The following ARHGEF40 variants were observed in gnomAD, a reference collection of about 807,000 sequenced individuals.
The protein encoded by ARHGEF40 is Rho guanine nucleotide exchange factor 40, also known as Rho guanine nucleotide exchange factor (GEF) 40.
ARHGEF40 carries 98 observed loss-of-function variants against 165.9 expected under a neutral mutation model. The observed-to-expected ratio is 0.59, with a 90% CI of 0.50 to 0.70. The LOEUF (loss-of-function observed/expected upper bound fraction) is 0.70, where lower values mean the gene tolerates loss of function less well. ARHGEF40 is among the 30% of genes least tolerant of loss of function. The pLI is 0.00. For missense variants in ARHGEF40, 1,815 were observed against 1,968.0 expected (o/e 0.92, Z 1.47); for synonymous variants, 792 against 814.3 (o/e 0.97, Z 0.47).
chr14:21,083,498 C>T (rs1888097594), intron 16 of ARHGEF40, among the ~76,000 whole-genome samples: 2 of 151,998 alleles, frequency 1.3e-5, no homozygotes, highest in South Asian at 2.1e-4. Flanking sequence ...TGCAGTGAGC[C>T]GAGATTGTGC....
In ARHGEF40 at chr14:21,070,340, T is replaced by C. The variant is rs1010594296; in HGVS notation, c.-57T>C. 4 of 1,398,938 alleles carry C rather than the reference T, an allele frequency of 2.9e-6. No homozygotes were observed. The highest frequency in any genetic ancestry group is 6.2e-5 in the East Asian group (2 of 32,166). The allele number at this position is 1,398,938 out of a possible 1,614,324, so 86.7% of individuals were successfully genotyped here. Reference sequence around the variant, plus strand: ...GACACGAGCGGCGGGAGGGAGGCGGTGGCGCGCCCGGCCCCGCCCGCCCGA... The same window carrying C: ...GACACGAGCGGCGGGAGGGAGGCGGCGGCGCGCCCGGCCCCGCCCGCCCGA... On this transcript the variant is annotated 5_prime_UTR_variant, in exon 1 of 24. Coordinates refer to ENST00000298694, the MANE Select transcript of ARHGEF40 (RefSeq NM_018071.5). This position sits in a 1 kb window ranked among gnomAD's most constrained non-coding sequence, Gnocchi z 4.7.
At chr14:21,063,069 G>A in the ARHGEF40 span, among the ~76,000 whole-genome samples, 2 of 151,964 alleles carry the variant, frequency 1.3e-5, no homozygotes, top group East Asian at 3.9e-4. Context: ...GGTGGTGGTT[G>A]CAGTCAGCTG....
intron 19 of ARHGEF40, 87 bp from the exon 20 acceptor site, chr14:21,086,914 A>G: frequency 8.8e-7 from 1 of 1,139,380 alleles, no homozygotes; most frequent in South Asian, 1.5e-5. Context: ...AACGAAAAAA[A>G]AAAAAAAAGA....
upstream of ARHGEF40, among the ~76,000 whole-genome samples, chr14:21,066,570 G>A (rs1162536346): frequency 1.3e-5 from 2 of 152,216 alleles, no homozygotes; most frequent in African/African-American, 4.8e-5. Context: ...TCTTGACCAC[G>A]TGATCCACCT....
Position 21,087,011 on chromosome 14 carries a change from G to A in ARHGEF40, c.4149G>A (p.Val1383=), listed in dbSNP as rs1490927629. The change falls in exon 20 of 24, where the codon GTG becomes GTA. Residue 1383 remains valine, a synonymous_variant. Coordinates refer to ENST00000298694, the MANE Select transcript of ARHGEF40 (RefSeq NM_018071.5). ...RQAAHNKELR[V]QQMVSMGIGN... is the part of the protein sequence containing the mutation. The stretch of plus-strand genomic sequence containing the variant: ...GTCCCTATTCCCCAGAGCTCCGAGT[G>A]CAGCAGATGGTGTCCATGGGCATTG... 6.2e-7 allele frequency: 1 copy of A among 1,600,034 alleles called. No homozygotes were observed. Among genetic ancestry groups the A allele is most frequent in the South Asian group, 1.1e-5 (1 of 88,476 alleles).
intron 11 of ARHGEF40, among the ~76,000 whole-genome samples, chr14:21,079,866 C>T (rs1448969064): frequency 6.6e-6 from 1 of 152,116 alleles, no homozygotes; most frequent in Non-Finnish European, 1.5e-5. Flanking sequence ...TGGAGTCTAA[C>T]GTGCTCAGCT....
Position 21,073,279 on chromosome 14 carries a change from G to A in ARHGEF40, c.201+37G>A, listed in dbSNP as rs1246731510. 6.4e-7 allele frequency: 1 copy of A among 1,558,852 alleles called. No homozygotes were observed. Among genetic ancestry groups the A allele is most frequent in the African/African-American group, 1.4e-5 (1 of 73,484 alleles). ...TGCATCACTATTCTGCCTTCCCCAA[G>A]ATCCACTGCCACACTCTACAGACTA... On this transcript the variant is annotated intron_variant, in intron 2 of 23. Transcript: ENST00000298694. This position sits in a 1 kb window ranked among gnomAD's most constrained non-coding sequence, Gnocchi z 4.6.
At chr14:21,069,386 C>G (rs1234775246), upstream of ARHGEF40, among the ~76,000 whole-genome samples, 1 of 152,228 alleles carries the variant, frequency 6.6e-6, no homozygotes, top group Non-Finnish European at 1.5e-5. Flanking sequence ...TATAGCCACC[C>G]CAACAGAAGG....
upstream of ARHGEF40, among the ~76,000 whole-genome samples, chr14:21,069,715 C>G (rs992852773): frequency 1.3e-5 from 2 of 151,792 alleles, no homozygotes; most frequent in African/African-American, 2.4e-5. Flanking sequence ...GGAGGGCGGG[C>G]AAGCCCCCGG....
Position 21,075,317 on chromosome 14 carries a change from T to G in ARHGEF40, c.1451-15T>G. On this transcript the variant is annotated splice_polypyrimidine_tract_variant and intron_variant, in intron 3 of 23. Coordinates refer to ENST00000298694, the MANE Select transcript of ARHGEF40 (RefSeq NM_018071.5). The surrounding 1 kb of genome is among the most constrained non-coding windows in gnomAD (Gnocchi z 4.5). ...TCTTAACTTCAGTCCCATGTTTCTG[T>G]CTGTGTCTGTGCAGGACACACAGGC... 6.2e-7 allele frequency: 1 copy of G among 1,613,528 alleles called. No individual in the cohort carries two copies. The highest frequency in any genetic ancestry group is 1.7e-4 in the Middle Eastern group (1 of 5,870).
rs966782086 is a variant in ARHGEF40, at chr14:21,072,472, A to T, written c.4-573A>T. ...AGAAAGACCCAAGACAGTCACAGAC[A>T]GTCTTTCCATCCTCCTCTTTCCACC... On this transcript the variant is annotated intron_variant, in intron 1 of 23. Coordinates refer to ENST00000298694, the MANE Select transcript of ARHGEF40 (RefSeq NM_018071.5). This position sits in a 1 kb window ranked among gnomAD's most constrained non-coding sequence, Gnocchi z 4.1. 1.3e-5 allele frequency among the ~76,000 whole-genome samples: 2 copies of T among 152,234 alleles called. No individual in the cohort carries two copies. The highest frequency in any genetic ancestry group is 4.8e-5 in the African/African-American group (2 of 41,460).
At chr14:21,082,725 T>TGACC in intron 15 of ARHGEF40, 106 bp from the exon 16 acceptor site, 1 of 1,237,594 alleles carries the variant, frequency 8.1e-7, no homozygotes, top group South Asian at 1.3e-5. Flanking sequence ...TGCTCCCTGG[T>TGACC]GACCCATCCC....
chr14:21,064,363 G>A, the ARHGEF40 span, among the ~76,000 whole-genome samples: 427 of 151,424 alleles, frequency 2.8e-3, 3 homozygotes, highest in Non-Finnish European at 4.7e-3. Context: ...GTGTAGTGGC[G>A]TGATCTTGGC....
At chr14:21,078,105 C>A in intron 8 of ARHGEF40, 72 bp from the exon 9 acceptor site, 1 of 1,399,458 alleles carries the variant, frequency 7.1e-7, no homozygotes, top group Non-Finnish European at 9.7e-7. Flanking sequence ...GGGGCTACCG[C>A]ACCCCAACCC....
chr14:21,071,799 T>A (rs890792775), intron 1 of ARHGEF40, among the ~76,000 whole-genome samples: 22 of 152,136 alleles, frequency 1.4e-4, no homozygotes, highest in African/African-American at 5.1e-4. Context: ...GCGCACTGCG[T>A]CCGCCTGGTC....
chr14:21,085,974 G>C lies in ARHGEF40; in HGVS notation c.4138+108G>C, dbSNP rs879634158. ...GAAAACAGTTTATAGGATGAAGAAA[G>C]AATGGCTTATAATAAGATTCAAGAT... On this transcript the variant is annotated intron_variant, in intron 19 of 23. Transcript: ENST00000298694. 5 of 1,243,050 alleles carry C rather than the reference G, an allele frequency of 4.0e-6. 1 individual carries two copies. The highest frequency in any genetic ancestry group is 5.6e-6 in the Non-Finnish European group (5 of 895,560). The allele number at this position is 1,243,050 out of a possible 1,614,324, so 77.0% of individuals were successfully genotyped here.
chr14:21,065,007 C>G, the ARHGEF40 span, among the ~76,000 whole-genome samples: 1 of 152,238 alleles, frequency 6.6e-6, no homozygotes, highest in African/African-American at 2.4e-5. Flanking sequence ...CACATTTCTA[C>G]TAAAAATACA....
In ARHGEF40 at chr14:21,073,980, C is replaced by A; in HGVS notation, c.250C>A (p.Leu84Met). ...CTTCCATGAGGGGTGGCCGCTCTGC[C>A]TGCATGAACAGGTGGTGGTGCAGCT... is the stretch of plus-strand genomic sequence containing the variant. ...LFFHEGWPLC[L>M]HEQVVVQLAA... The change falls in exon 3 of 24, where the codon CTG becomes ATG. Residue 84 changes from leucine (L) to methionine (M), a missense_variant. By Grantham distance (15) the Leu-to-Met change is conservative. Transcript: ENST00000298694. This position sits in a 1 kb window ranked among gnomAD's most constrained non-coding sequence, Gnocchi z 4.6. 1 of 1,612,104 alleles carries A rather than the reference C, an allele frequency of 6.2e-7. No homozygotes were observed. Among genetic ancestry groups the A allele is most frequent in the Non-Finnish European group, 8.5e-7 (1 of 1,179,928 alleles).
chr14:21,088,921 A>C (rs371804001), intron 23 of ARHGEF40, 45 bp downstream of exon 23: 3 of 1,589,876 alleles, frequency 1.9e-6, no homozygotes, highest in Non-Finnish European at 2.6e-6. Context: ...CACTCCTACC[A>C]TCTTGCATGT....
Sources: gnomAD v4.1 joint callset for allele counts (sites outside exome capture counted in the v4.1 genomes callset) on GRCh38, gnomAD v4.1.1 for gene constraint, Gnocchi (gnomAD v3.1) non-coding constraint, MANE v1.5 for transcripts, NCBI Gene and HGNC (gene_info 2026-07-23, HGNC 2026-07-21) for gene names.